The following KIF2A variants were observed in gnomAD, a reference collection of about 807,000 sequenced individuals.
The protein encoded by KIF2A is kinesin family member 2A, also known as kinesin-like protein KIF2A.
Under a neutral mutation model 100.2 loss-of-function variants are expected in KIF2A, and 22 were observed. That is an observed-to-expected ratio of 0.22 (90% CI 0.16 to 0.31). The LOEUF (loss-of-function observed/expected upper bound fraction) is 0.31. Ranked by LOEUF, KIF2A falls within the 10% of genes least tolerant of loss-of-function variation. KIF2A has a pLI of 1.00. For synonymous variants in KIF2A, 268 were observed against 285.9 expected (o/e 0.94, Z 0.63); for missense variants, 495 against 898.7 (o/e 0.55, Z 5.74).
chr5:62,365,058 A>G (rs1192011574), intron 14 of KIF2A, among the ~76,000 whole-genome samples, 185 bp from the exon 15 acceptor site: 1 of 152,106 alleles, frequency 6.6e-6, no homozygotes, highest in Non-Finnish European at 1.5e-5. Flanking sequence ...GCGCCACCAC[A>G]CCCCAGCCTG....
chr5:62,313,269 G>A (rs1466587147), intron 1 of KIF2A, among the ~76,000 whole-genome samples: 1 of 152,040 alleles, frequency 6.6e-6, no homozygotes, highest in Admixed American at 6.5e-5. Flanking sequence ...GGACCTTTTG[G>A]ATGGAAAATA....
chr5:62,311,545 T>G (rs1166811901), intron 1 of KIF2A, among the ~76,000 whole-genome samples: 1 of 152,228 alleles, frequency 6.6e-6, no homozygotes, highest in East Asian at 1.9e-4. Flanking sequence ...AGAAAATCTT[T>G]AGAAAAGATT....
chr5:62,380,553 A>G (rs1417055533), intron 19 of KIF2A, among the ~76,000 whole-genome samples: 6 of 152,288 alleles, frequency 3.9e-5, no homozygotes, highest in Admixed American at 1.3e-4. Context: ...GGAAATATAT[A>G]TAACTTTTGA....
At chr5:62,310,658 T>C (rs890962796) in intron 1 of KIF2A, among the ~76,000 whole-genome samples, 3 of 152,168 alleles carry the variant, frequency 2.0e-5, no homozygotes, top group Non-Finnish European at 2.9e-5. Context: ...AATCTGACTT[T>C]TCTGGTTTTC....
In KIF2A at chr5:62,306,387, CTCCCACACCT is replaced by C; in HGVS notation, c.-85_-76del. 1.0e-6 allele frequency: 1 copy of C among 979,372 alleles called. No individual in the cohort carries two copies. The highest frequency in any genetic ancestry group is 1.5e-6 in the Non-Finnish European group (1 of 645,980). The allele number at this position is 979,372 out of a possible 1,614,324, so 60.7% of individuals were successfully genotyped here. A position where few individuals can be genotyped will look rare whatever the true frequency, so the allele number is the denominator to read the frequency against. ...GCGCGGCCGCGGGCAACCGCTCCCC[CTCCCACACCT>C]ACCCCGCCCCCTCCCCGCCTTTTCC... On this transcript the variant is annotated 5_prime_UTR_variant, in exon 1 of 21. Transcript: ENST00000407818.
chr5:62,341,764 A>G (rs1422983016), intron 1 of KIF2A, among the ~76,000 whole-genome samples: 1 of 152,140 alleles, frequency 6.6e-6, no homozygotes, highest in African/African-American at 2.4e-5. Context: ...CTCCTTGCCT[A>G]GAAGGGTGGG....
intron 4 of KIF2A, among the ~76,000 whole-genome samples, chr5:62,352,052 G>A (rs1747880000): frequency 6.6e-6 from 1 of 151,704 alleles, no homozygotes; most frequent in Admixed American, 6.6e-5. Flanking sequence ...TACTCGGGAG[G>A]CTGAGGCAGG....
intron 16 of KIF2A, among the ~76,000 whole-genome samples, chr5:62,369,066 G>T (rs1741206451): frequency 6.6e-6 from 1 of 152,140 alleles, no homozygotes; most frequent in Non-Finnish European, 1.5e-5. Flanking sequence ...CTTAAGATTT[G>T]AAACTACAAA....
chr5:62,339,776 AAC>A (rs1254024929), intron 1 of KIF2A, among the ~76,000 whole-genome samples: 8 of 151,366 alleles, frequency 5.3e-5, no homozygotes, highest in Non-Finnish European at 8.8e-5. Context: ...AAAAAAAAAA[AAC>A]ACACAGGTCT....
chr5:62,314,529 G>T (rs1745710709), intron 1 of KIF2A, among the ~76,000 whole-genome samples: 2 of 152,096 alleles, frequency 1.3e-5, no homozygotes, highest in South Asian at 4.2e-4. Flanking sequence ...GCTACTGGTG[G>T]TTATGTGTAA....
chr5:62,355,134 G>T lies in KIF2A; in HGVS notation c.559-25G>T, dbSNP rs114079833. 1.2e-3 allele frequency: 1,170 copies of T among 986,974 alleles called. 6 individuals carry two copies. In the African/African-American group the frequency reaches 0.017, roughly 14 times the overall value. 61.1% of individuals were successfully genotyped at this position (986,974 alleles called of 1,614,324 possible). A position where few individuals can be genotyped will look rare whatever the true frequency, so the allele number is the denominator to read the frequency against. On this transcript the variant is annotated intron_variant, in intron 6 of 20. Transcript: ENST00000407818. Reference sequence around the variant, plus strand: ...CAAATACATTATTATATTTATAATGGTGAATTCTCTCTGTCTTCTAATAGG... The same window carrying T: ...CAAATACATTATTATATTTATAATGTTGAATTCTCTCTGTCTTCTAATAGG...
chr5:62,381,856 C>T (rs1741782964), intron 20 of KIF2A, among the ~76,000 whole-genome samples: 1 of 152,268 alleles, frequency 6.6e-6, no homozygotes, highest in Admixed American at 6.5e-5. Flanking sequence ...AGCCACCACA[C>T]TTGGCCTCTG....
chr5:62,377,684 G>A lies in KIF2A; in HGVS notation c.1935G>A (p.Leu645=), dbSNP rs777976468. The change falls in exon 19 of 21, where the codon TTG becomes TTA. Residue 645 remains leucine (L), a synonymous_variant. Transcript: ENST00000407818. ...AGGAAGAAGAAGTCTCTCCACAGTT[G>A]TTTACTTTCCACGAAGCTGTTTCAC... The part of the protein sequence containing the change: ...EQNEEEVSPQ[L]FTFHEAVSQM... The A allele has an allele frequency of 1.9e-6, 3 of 1,549,092 alleles. No homozygotes were observed. In the Admixed American group the frequency reaches 5.8e-5, roughly 30 times the overall value.
intron 1 of KIF2A, among the ~76,000 whole-genome samples, chr5:62,341,632 ATC>A (rs1338936989): frequency 6.6e-6 from 1 of 151,902 alleles, no homozygotes; most frequent in East Asian, 1.9e-4. Context: ...CTCATTGCCA[ATC>A]TCTCTAGCCT....
intron 20 of KIF2A, among the ~76,000 whole-genome samples, chr5:62,381,972 T>A (rs921532455): frequency 6.6e-6 from 1 of 152,232 alleles, no homozygotes; most frequent in Admixed American, 6.5e-5. Flanking sequence ...TTTGGTTTTT[T>A]AGTTAGCTTA....
In KIF2A at chr5:62,388,961, C is replaced by T. The variant is rs773376447; in HGVS notation, c.*3392C>T. The T allele has an allele frequency of 3.2e-6, 5 of 1,542,932 alleles. No homozygotes were observed. In the Admixed American group the frequency reaches 9.1e-5, roughly 28 times the overall value. On this transcript the variant is annotated 3_prime_UTR_variant, in exon 21 of 21. Transcript: ENST00000407818. ...ATTATCTTCTCAAATACAAAAAATACAAAATTCATTTCTTTTCTTGACCTT... is the reference window on the plus strand; with the variant it reads ...ATTATCTTCTCAAATACAAAAAATATAAAATTCATTTCTTTTCTTGACCTT...
chr5:62,335,766 C>T (rs548685183), intron 1 of KIF2A, among the ~76,000 whole-genome samples: 1 of 152,262 alleles, frequency 6.6e-6, no homozygotes, highest in Admixed American at 6.5e-5. Context: ...AAACTCCTTG[C>T]AGGTGTTTTT....
At chr5:62,352,966 A>C (rs537778574) in intron 5 of KIF2A, 1 of 430,594 alleles carries the variant, frequency 2.3e-6, no homozygotes, top group East Asian at 4.1e-5. Context: ...GGCAGATGAT[A>C]ATTTGTCAGA....
Position 62,377,670 on chromosome 5 carries a change from G to A in KIF2A, c.1921G>A (p.Val641Ile), listed in dbSNP as rs752958193. The A allele has an allele frequency of 6.6e-7, 1 of 1,516,560 alleles. No homozygotes were observed. The highest frequency in any genetic ancestry group is 1.3e-5 in the South Asian group (1 of 78,576). The allele number at this position is 1,516,560 out of a possible 1,614,324, so 93.9% of individuals were successfully genotyped here. ...KLLCEQNEEE[V>I]SPQLFTFHEA... ...CTATTTTTATTTTAAGGAAGAAGAA[G>A]TCTCTCCACAGTTGTTTACTTTCCA... is the stretch of plus-strand genomic sequence containing the variant. Residue 641 changes from valine to isoleucine, a missense_variant, in exon 19 of 21, where the codon GTC (valine) becomes ATC (isoleucine). Transcript: ENST00000407818.
Sources: allele counts gnomAD v4.1 joint callset (sites outside exome capture counted in the v4.1 genomes callset), GRCh38; gene constraint gnomAD v4.1.1; transcripts MANE v1.5; gene names NCBI Gene and HGNC (gene_info 2026-07-23, HGNC 2026-07-21).